The following GNG7 variants were observed in gnomAD, a reference collection of about 807,000 sequenced individuals.
GNG7 encodes guanine nucleotide-binding protein G(I)/G(S)/G(O) subunit gamma-7.
A neutral mutation model predicts 4.0 loss-of-function variants in GNG7; 1 was observed. The ratio of observed to expected loss-of-function variants is 0.25; its 90% confidence interval spans 0.09 to 1.18. The LOEUF (loss-of-function observed/expected upper bound fraction) is 1.18, where lower values mean the gene tolerates loss of function less well. GNG7 is among the 50% of genes most tolerant of loss of function. GNG7 has a pLI of 0.50. For synonymous variants in GNG7, 34 were observed against 36.9 expected, an observed-to-expected ratio of 0.92 and a Z score of 0.29; for missense variants, 86 against 91.9, an observed-to-expected ratio of 0.94 and a Z score of 0.26.
chr19:2,695,721 G>A (rs1020032890), intron 1 of GNG7, among the ~76,000 whole-genome samples: 3 of 152,146 alleles, frequency 2.0e-5, no homozygotes, highest in Admixed American at 1.3e-4. Context: ...GCAGGGAAGT[G>A]ACCGTCTGAT....
intron 1 of GNG7, among the ~76,000 whole-genome samples, chr19:2,666,194 C>CA (rs1983306106): frequency 6.6e-6 from 1 of 151,076 alleles, no homozygotes; most frequent in Non-Finnish European, 1.5e-5. Flanking sequence ...TATTTTGAGA[C>CA]AGAGTCTTGC....
At chr19:2,659,370 G>A (rs1327652282) in intron 1 of GNG7, among the ~76,000 whole-genome samples, 1 of 150,778 alleles carries the variant, frequency 6.6e-6, no homozygotes, top group Non-Finnish European at 1.5e-5. Flanking sequence ...CCTGAGGTCA[G>A]GAGTTTGACA....
intron 1 of GNG7, among the ~76,000 whole-genome samples, chr19:2,686,999 G>A (rs1346100899): frequency 6.0e-5 from 9 of 150,840 alleles, no homozygotes; most frequent in Admixed American, 1.3e-4. Context: ...TGATCCGCCC[G>A]CCTCGGCCTC....
chr19:2,557,267 TTGCACACACAGACACG>T lies in GNG7; in HGVS notation c.-77-2095_-77-2080del, dbSNP rs1178028130. Among the ~76,000 whole-genome samples the T allele has an allele frequency of 2.1e-5, 3 of 140,810 alleles. No homozygotes were observed. Among genetic ancestry groups the T allele is most frequent in the Admixed American group, 7.0e-5 (1 of 14,378 alleles). 92.4% of individuals were successfully genotyped at this position (140,810 alleles called of 152,430 possible). A position where few individuals can be genotyped will look rare whatever the true frequency, so the allele number is the denominator to read the frequency against. ...TGTGCACACACACGTGCACACACAT[TTGCACACACAGACACG>T]TGCACACACAGAGGTGCACATACAC... is the stretch of plus-strand genomic sequence containing the variant. On this transcript the variant is annotated intron_variant, in intron 2 of 4. Coordinates refer to ENST00000382159, the MANE Select transcript of GNG7 (RefSeq NM_052847.3). The surrounding 1 kb of genome is among the most constrained non-coding windows in gnomAD (Gnocchi z 5.1).
chr19:2,677,171 C>G (rs1466812092), intron 1 of GNG7, among the ~76,000 whole-genome samples: 1 of 152,070 alleles, frequency 6.6e-6, no homozygotes, highest in Non-Finnish European at 1.5e-5. Flanking sequence ...CAGGGCCTTC[C>G]AGGAGACGCT....
intron 2 of GNG7, among the ~76,000 whole-genome samples, chr19:2,573,997 C>T (rs1860312): frequency 0.17 from 25,982 of 152,184 alleles, 2,396 homozygotes; most frequent in Middle Eastern, 0.25. Context: ...GAGGTACGGC[C>T]GGAGTTCTGC....
intron 2 of GNG7, among the ~76,000 whole-genome samples, chr19:2,585,179 T>C (rs1407408636): frequency 6.6e-6 from 1 of 151,496 alleles, no homozygotes; most frequent in Non-Finnish European, 1.5e-5. Context: ...ATCTTTAGGG[T>C]TAATGGGGCA....
intron 2 of GNG7, among the ~76,000 whole-genome samples, chr19:2,568,602 CAT>C (rs1202867788): frequency 2.6e-5 from 4 of 151,584 alleles, no homozygotes; most frequent in Admixed American, 1.3e-4. Flanking sequence ...CATATATAGA[CAT>C]ACACACATAT....
Position 2,571,911 on chromosome 19 carries a change from A to G in GNG7, c.-77-16723T>C, listed in dbSNP as rs7249977. 4.4e-3 allele frequency among the ~76,000 whole-genome samples: 662 copies of G among 152,092 alleles called. 4 individuals are homozygous for G. Among genetic ancestry groups the G allele is most frequent in the African/African-American group, 0.015 (627 of 41,486 alleles). The stretch of plus-strand genomic sequence containing the variant: ...GCGCCCGGCCAGTTGACCGTTTTAT[A>G]TGAGTCATATAAAATATGGGCTACC... On this transcript the variant is annotated intron_variant, in intron 2 of 4. Transcript: ENST00000382159.
intron 2 of GNG7, among the ~76,000 whole-genome samples, chr19:2,573,058 C>T (rs965878515): frequency 4.5e-4 from 65 of 145,422 alleles, no homozygotes; most frequent in African/African-American, 1.6e-3. Context: ...CAGAGTCTTG[C>T]CCCGTCGCCT....
At chr19:2,698,746 T>A (rs1913330233) in intron 1 of GNG7, among the ~76,000 whole-genome samples, 1 of 151,550 alleles carries the variant, frequency 6.6e-6, no homozygotes, top group Admixed American at 6.6e-5. Context: ...GAATAACACC[T>A]TGAATGAAGA....
Position 2,514,778 on chromosome 19 carries a change from G to A in GNG7, c.*244C>T. 5.7e-6 allele frequency: 2 copies of A among 353,682 alleles called. No individual in the cohort carries two copies. Among genetic ancestry groups the A allele is most frequent in the Admixed American group, 8.7e-5 (2 of 23,012 alleles). 21.9% of individuals were successfully genotyped at this position (353,682 alleles called of 1,614,324 possible). A position where few individuals can be genotyped will look rare whatever the true frequency, so the allele number is the denominator to read the frequency against. Reference sequence around the variant, plus strand: ...CTCCATCCCTTTTGGCCCAAACTGAGAGGGCCATGGGGTCGGACCTGAAAA... The same window carrying A: ...CTCCATCCCTTTTGGCCCAAACTGAAAGGGCCATGGGGTCGGACCTGAAAA... On this transcript the variant is annotated 3_prime_UTR_variant, in exon 5 of 5. Coordinates refer to ENST00000382159, the MANE Select transcript of GNG7 (RefSeq NM_052847.3).
At chr19:2,524,300 G>T (rs1294796840) in intron 3 of GNG7, among the ~76,000 whole-genome samples, 1 of 152,248 alleles carries the variant, frequency 6.6e-6, no homozygotes, top group African/African-American at 2.4e-5. Context: ...AATAACCCAG[G>T]CCTGCCAGGA....
intron 3 of GNG7, among the ~76,000 whole-genome samples, chr19:2,541,117 G>A (rs1360678783): frequency 6.6e-6 from 1 of 152,242 alleles, no homozygotes; most frequent in African/African-American, 2.4e-5. Flanking sequence ...GAGGGAGCGG[G>A]AGCTACCGAG....
intron 2 of GNG7, among the ~76,000 whole-genome samples, chr19:2,569,797 G>A (rs550506955): frequency 2.6e-4 from 40 of 152,100 alleles, no homozygotes; most frequent in Admixed American, 1.8e-3. Context: ...GACATCACCC[G>A]TCCCCCAGTC....
At position 2,614,616 on chromosome 19, in the gene GNG7, G is replaced by A. The variant is rs1981668607; in HGVS notation, c.-78+31608C>T. Among the ~76,000 whole-genome samples, 1 of 152,210 alleles carries A rather than the reference G, an allele frequency of 6.6e-6. No individual in the cohort carries two copies. Among genetic ancestry groups the A allele is most frequent in the Non-Finnish European group, 1.5e-5 (1 of 68,040 alleles). ...GGGGCATCCAGGCTGCACGTGGCCTGGGTCAGAGTCTCGTTCACGGCTGAG... is the reference window on the plus strand; with the variant it reads ...GGGGCATCCAGGCTGCACGTGGCCTAGGTCAGAGTCTCGTTCACGGCTGAG... On this transcript the variant is annotated intron_variant, in intron 2 of 4. Coordinates refer to ENST00000382159, the MANE Select transcript of GNG7 (RefSeq NM_052847.3). The surrounding 1 kb of genome is among the most constrained non-coding windows in gnomAD (Gnocchi z 6.0).
intron 4 of GNG7, among the ~76,000 whole-genome samples, chr19:2,516,339 C>T (rs1489341698): frequency 6.6e-6 from 1 of 152,050 alleles, no homozygotes; most frequent in African/African-American, 2.4e-5. Flanking sequence ...ATTCTCCTGC[C>T]TCAGCCTCCT....
At chr19:2,637,215 C>CCT (rs961558624) in intron 2 of GNG7, among the ~76,000 whole-genome samples, 1 of 151,702 alleles carries the variant, frequency 6.6e-6, no homozygotes, top group Non-Finnish European at 1.5e-5. Flanking sequence ...AACAGGCTCC[C>CCT]CCCGCCCCCG....
chr19:2,670,124 C>G (rs111332950), intron 1 of GNG7, among the ~76,000 whole-genome samples: 1 of 151,634 alleles, frequency 6.6e-6, no homozygotes, highest in African/African-American at 2.4e-5. Context: ...TTGAAACTCT[C>G]TGTCTCTCTC....
Sources: gnomAD v4.1 joint callset for allele counts (sites outside exome capture counted in the v4.1 genomes callset) on GRCh38, gnomAD v4.1.1 for gene constraint, Gnocchi (gnomAD v3.1) non-coding constraint, MANE v1.5 for transcripts, NCBI Gene and HGNC (gene_info 2026-07-23, HGNC 2026-07-21) for gene names.